PRKCE: variants seen among roughly 807,000 people sequenced by gnomAD.
The protein encoded by PRKCE is protein kinase C epsilon.
A neutral mutation model predicts 85.4 loss-of-function variants in PRKCE; 16 were observed. The ratio of observed to expected loss-of-function variants is 0.19; its 90% confidence interval spans 0.13 to 0.28. The LOEUF (loss-of-function observed/expected upper bound fraction) is 0.28, where lower values mean the gene tolerates loss of function less well. Ranked by LOEUF, PRKCE falls within the 10% of genes least tolerant of loss-of-function variation. The pLI is 1.00. For missense variants in PRKCE, 573 were observed against 975.2 expected, an observed-to-expected ratio of 0.59 and a Z score of 5.49; for synonymous variants, 388 against 371.5, an observed-to-expected ratio of 1.04 and a Z score of -0.51.
chr2:46,122,891 T>G (rs937338392), intron 11 of PRKCE, among the ~76,000 whole-genome samples: 3 of 149,502 alleles, frequency 2.0e-5, no homozygotes, highest in Non-Finnish European at 1.5e-5. Flanking sequence ...GTTTTTTTTT[T>G]TTTTTTTTTT....
intron 11 of PRKCE, among the ~76,000 whole-genome samples, chr2:46,141,868 T>C (rs1197578690): frequency 6.6e-6 from 1 of 152,124 alleles, no homozygotes; most frequent in East Asian, 1.9e-4. Flanking sequence ...TCCTGAACAC[T>C]GAACACCATG....
intron 10 of PRKCE, among the ~76,000 whole-genome samples, chr2:46,018,362 A>C (rs1232144294): frequency 6.6e-6 from 1 of 152,108 alleles, no homozygotes; most frequent in Non-Finnish European, 1.5e-5. Context: ...GGCCTTGTGA[A>C]CTTGAAGCCT....
chr2:45,787,020 T>G (rs1309534663), intron 1 of PRKCE, among the ~76,000 whole-genome samples: 1 of 152,200 alleles, frequency 6.6e-6, no homozygotes, highest in Non-Finnish European at 1.5e-5. Flanking sequence ...GATCCGATGA[T>G]CCTATGGGTT....
At chr2:45,987,173 GGAA>G (rs1178387292) in intron 6 of PRKCE, among the ~76,000 whole-genome samples, 1 of 152,258 alleles carries the variant, frequency 6.6e-6, no homozygotes, top group African/African-American at 2.4e-5. Context: ...CAATGACCCT[GGAA>G]GAAGGAGGGG....
At chr2:45,912,822 A>C (rs1376044446) in intron 2 of PRKCE, among the ~76,000 whole-genome samples, 1 of 152,182 alleles carries the variant, frequency 6.6e-6, no homozygotes, top group Non-Finnish European at 1.5e-5. Flanking sequence ...GTCTGGGGCC[A>C]CATGTACATT....
At chr2:46,148,706 C>G (rs946042407) in intron 12 of PRKCE, among the ~76,000 whole-genome samples, 11 of 152,336 alleles carry the variant, frequency 7.2e-5, no homozygotes, top group African/African-American at 2.6e-4. Context: ...AGCTCCTACC[C>G]TCTGGTACCT....
chr2:45,973,061 G>A lies in PRKCE; in HGVS notation c.413-3368G>A, dbSNP rs530337705. The stretch of plus-strand genomic sequence containing the variant: ...GTACTGGCATAAAAACAGACATATA[G>A]ACGAGTGGAACAAAATAGAGAGCCC... On this transcript the variant is annotated intron_variant, in intron 2 of 14. Coordinates refer to ENST00000306156, the MANE Select transcript of PRKCE (RefSeq NM_005400.3). Among the ~76,000 whole-genome samples, 66 of 152,284 alleles carry A rather than the reference G, an allele frequency of 4.3e-4. No individual in the cohort carries two copies. In the South Asian group the frequency reaches 0.012, roughly 29 times the overall value.
intron 2 of PRKCE, among the ~76,000 whole-genome samples, chr2:45,915,699 G>A (rs1305659473): frequency 1.3e-5 from 2 of 152,182 alleles, no homozygotes; most frequent in African/African-American, 4.8e-5. Context: ...GGTGCTGGTG[G>A]AGCTCAGTCG....
chr2:46,009,583 C>T (rs368272958), intron 9 of PRKCE, among the ~76,000 whole-genome samples: 2 of 152,212 alleles, frequency 1.3e-5, no homozygotes, highest in East Asian at 3.8e-4. Flanking sequence ...CACATTGTAT[C>T]ACACATCCTT....
At chr2:46,005,233 G>C (rs2595222) in intron 8 of PRKCE, among the ~76,000 whole-genome samples, 1 of 151,992 alleles carries the variant, frequency 6.6e-6, no homozygotes, top group African/African-American at 2.4e-5. Context: ...CTGTCCGACT[G>C]TGCTTCAGAC....
At chr2:45,829,367 T>C (rs1370178463) in intron 1 of PRKCE, among the ~76,000 whole-genome samples, 1 of 152,232 alleles carries the variant, frequency 6.6e-6, no homozygotes, top group Non-Finnish European at 1.5e-5. Flanking sequence ...TTGGAGCTTC[T>C]ATTCAAGGTG....
Position 46,074,444 on chromosome 2 carries a change from A to AG in PRKCE, c.1438-11764_1438-11763insG, listed in dbSNP as rs1213770067. 4.9e-4 allele frequency among the ~76,000 whole-genome samples: 74 copies of AG among 151,266 alleles called. 1 individual carries two copies. In the South Asian group the frequency reaches 8.1e-3, roughly 17 times the overall value. On this transcript the variant is annotated intron_variant, in intron 10 of 14. Coordinates refer to ENST00000306156, the MANE Select transcript of PRKCE (RefSeq NM_005400.3). Reference sequence around the variant, plus strand: ...CAACAACAACCAAAAAAAAAAAAAAAAAAAGAAAAACACGGATAGAAAAAA... The same window carrying AG: ...CAACAACAACCAAAAAAAAAAAAAAAGAAAAGAAAAACACGGATAGAAAAAA...
At chr2:45,949,781 C>T (rs887922074) in intron 2 of PRKCE, among the ~76,000 whole-genome samples, 1 of 151,984 alleles carries the variant, frequency 6.6e-6, no homozygotes, top group Non-Finnish European at 1.5e-5. Flanking sequence ...CCTCCTGTTT[C>T]TCATCTCTGT....
intron 8 of PRKCE, among the ~76,000 whole-genome samples, chr2:46,005,742 A>C (rs4953298): frequency 0.26 from 38,830 of 152,054 alleles, 5,080 homozygotes; most frequent in South Asian, 0.31. Context: ...CCACAGAATA[A>C]TTGGTCTCAG....
intron 6 of PRKCE, among the ~76,000 whole-genome samples, chr2:45,989,883 A>G (rs1244743854): frequency 6.6e-6 from 1 of 152,226 alleles, no homozygotes; most frequent in Non-Finnish European, 1.5e-5. Context: ...TATTAAAAAT[A>G]TTAAAGGCTT....
Position 45,674,116 on chromosome 2 carries a change from G to A in PRKCE, c.348+21668G>A, listed in dbSNP as rs11899541. On this transcript the variant is annotated intron_variant, in intron 1 of 14. Transcript: ENST00000306156. ...TTTTTTAAAAGCTACTTGCAAAGAT[G>A]TAAGCGTGATCATTGGGGTTGACTT... Among the ~76,000 whole-genome samples the A allele has an allele frequency of 8.5e-3, 1,297 of 152,300 alleles. 12 individuals are homozygous for A. The highest frequency in any genetic ancestry group is 0.029 in the African/African-American group (1,203 of 41,560).
intron 1 of PRKCE, among the ~76,000 whole-genome samples, chr2:45,698,184 G>A (rs1678313186): frequency 6.6e-6 from 1 of 152,224 alleles, no homozygotes; most frequent in African/African-American, 2.4e-5. Context: ...TTCTGGAAAA[G>A]TGGTTAGCAT....
At chr2:45,937,729 A>AG (rs1428804114) in intron 2 of PRKCE, among the ~76,000 whole-genome samples, 1 of 152,072 alleles carries the variant, frequency 6.6e-6, no homozygotes, top group African/African-American at 2.4e-5. Flanking sequence ...AAAAAAAAAA[A>AG]GAAAGAAAAC....
At chr2:45,764,106 G>A (rs568540621) in intron 1 of PRKCE, among the ~76,000 whole-genome samples, 1 of 152,238 alleles carries the variant, frequency 6.6e-6, no homozygotes, top group South Asian at 2.1e-4. Context: ...AATACCCCAG[G>A]AGTTCTTGTT....
Sources: allele counts gnomAD v4.1 joint callset (sites outside exome capture counted in the v4.1 genomes callset), GRCh38; gene constraint gnomAD v4.1.1; transcripts MANE v1.5; gene names NCBI Gene and HGNC (gene_info 2026-07-23, HGNC 2026-07-21).